The following EPB41L4A variants were observed in gnomAD, a reference collection of about 807,000 sequenced individuals.
The protein encoded by EPB41L4A is erythrocyte membrane protein band 4.1 like 4A, also known as band 4.1-like protein 4A.
A neutral mutation model predicts 108.6 loss-of-function variants in EPB41L4A; 100 were observed. The observed-to-expected ratio is 0.92, with a 90% confidence interval of 0.78 to 1.09. The LOEUF (loss-of-function observed/expected upper bound fraction) is 1.09. EPB41L4A is among the 50% of genes least tolerant of loss of function. The pLI is 0.00. For synonymous variants in EPB41L4A, 319 were observed against 289.0 expected (o/e 1.10, Z -1.05); for missense variants, 1,030 against 842.7 (o/e 1.22, Z -2.75).
upstream of EPB41L4A, chr5:112,419,712 G>A (rs1762977126): frequency 2.2e-6 from 1 of 456,652 alleles, no homozygotes; most frequent in Admixed American, 2.3e-5. Flanking sequence ...CCAGCCGCAA[G>A]CGCCGAGGAG....
intron 3 of EPB41L4A, among the ~76,000 whole-genome samples, chr5:112,277,556 A>G (rs752833850): frequency 2.8e-4 from 42 of 152,342 alleles, no homozygotes; most frequent in South Asian, 1.9e-3. Context: ...TTGGGAACAT[A>G]TGCAAGGCAC....
At chr5:112,283,464 A>C (rs983819563) in intron 2 of EPB41L4A, among the ~76,000 whole-genome samples, 1 of 152,246 alleles carries the variant, frequency 6.6e-6, no homozygotes, top group African/African-American at 2.4e-5. Context: ...CATTATCAAC[A>C]AGCAATCAAA....
chr5:112,223,580 T>TA (rs961380084), intron 12 of EPB41L4A, among the ~76,000 whole-genome samples: 1 of 151,502 alleles, frequency 6.6e-6, no homozygotes, highest in Admixed American at 6.6e-5. Context: ...ACAGGAGGGG[T>TA]AAAAAAACAG....
chr5:112,252,214 T>G (rs1048772938), intron 9 of EPB41L4A, among the ~76,000 whole-genome samples: 4 of 152,190 alleles, frequency 2.6e-5, no homozygotes, highest in Non-Finnish European at 5.9e-5. Context: ...TGTATGCTTA[T>G]ATGCACATGT....
intron 1 of EPB41L4A, chr5:112,392,622 C>T (rs1761027804): frequency 6.6e-6 from 1 of 152,134 alleles, no homozygotes; most frequent in Admixed American, 6.5e-5. Context: ...GAGACTTAGA[C>T]TCTCACACAA....
intron 1 of EPB41L4A, among the ~76,000 whole-genome samples, chr5:112,412,089 T>C (rs897428246): frequency 2.6e-5 from 4 of 152,170 alleles, no homozygotes; most frequent in African/African-American, 9.7e-5. Flanking sequence ...TCCTAAACAA[T>C]ACACTGCAGC....
At chr5:112,356,633 C>T (rs181386733) in intron 1 of EPB41L4A, among the ~76,000 whole-genome samples, 1 of 152,332 alleles carries the variant, frequency 6.6e-6, no homozygotes. Context: ...ACTCTCCCCT[C>T]TGCCATAATC....
chr5:112,363,864 C>A (rs1288376845), intron 1 of EPB41L4A, among the ~76,000 whole-genome samples: 4 of 152,126 alleles, frequency 2.6e-5, no homozygotes, highest in Non-Finnish European at 5.9e-5. Context: ...CACTTAAACA[C>A]TGAAACCATT....
intron 1 of EPB41L4A, among the ~76,000 whole-genome samples, chr5:112,414,049 G>T (rs908951555): frequency 2.0e-5 from 3 of 151,650 alleles, no homozygotes; most frequent in Non-Finnish European, 4.4e-5. Flanking sequence ...TACAGATGGG[G>T]AAACTGAAAC....
chr5:112,222,942 G>GTTT (rs11399684), intron 12 of EPB41L4A, among the ~76,000 whole-genome samples: 41 of 140,180 alleles, frequency 2.9e-4, no homozygotes, highest in African/African-American at 6.3e-4. Flanking sequence ...AGTGAAACTA[G>GTTT]TTTTTTTTTT....
intron 2 of EPB41L4A, among the ~76,000 whole-genome samples, chr5:112,303,349 G>T (rs1754493249): frequency 6.6e-6 from 1 of 152,144 alleles, no homozygotes; most frequent in African/African-American, 2.4e-5. Context: ...GCAGGGAAGA[G>T]AATACAAATA....
chr5:112,205,478 C>G lies in EPB41L4A; in HGVS notation c.1205G>C (p.Ser402Thr). The G allele has an allele frequency of 6.2e-7, 1 of 1,612,188 alleles. No individual in the cohort carries two copies. The highest frequency in any genetic ancestry group is 8.5e-7 in the Non-Finnish European group (1 of 1,179,388). Residue 402 changes from serine to threonine, a missense_variant, in exon 14 of 23, where the codon AGC becomes ACC. By Grantham distance (58) the Ser-to-Thr change is moderately conservative. Coordinates refer to ENST00000261486, the MANE Select transcript of EPB41L4A (RefSeq NM_022140.5). ...KSFKKAKNEN[S>T]PDTQRSKSHA... ...AGATTTGCTTCTTTGGGTATCAGGG[C>G]TATTTTCATTCTTTGCTTTCTTAAA...
At chr5:112,161,531 CAAAA>C (rs1404345622), downstream of EPB41L4A, 1 of 519,126 alleles carries the variant, frequency 1.9e-6, no homozygotes, top group Non-Finnish European at 3.8e-6. Context: ...AATGTGGTGT[CAAAA>C]AAGGCGTAAA....
At chr5:112,169,821 C>G (rs1021633199) in intron 20 of EPB41L4A, among the ~76,000 whole-genome samples, 1 of 152,110 alleles carries the variant, frequency 6.6e-6, no homozygotes, top group African/African-American at 2.4e-5. Context: ...TTCTCTTAAC[C>G]AAGTACTGGT....
At chr5:112,189,669 T>C (rs1192838857) in intron 17 of EPB41L4A, among the ~76,000 whole-genome samples, 1 of 152,180 alleles carries the variant, frequency 6.6e-6, no homozygotes, top group African/African-American at 2.4e-5. Flanking sequence ...TTTCTACTTT[T>C]ATGCTGATGG....
chr5:112,263,790 T>G (rs1486704652), intron 6 of EPB41L4A: 1 of 152,152 alleles, frequency 6.6e-6, no homozygotes, highest in Non-Finnish European at 1.5e-5. Context: ...CATTTTTTTG[T>G]GACCAGATTA....
At chr5:112,272,571 G>C (rs1307334422) in intron 4 of EPB41L4A, among the ~76,000 whole-genome samples, 1 of 151,820 alleles carries the variant, frequency 6.6e-6, no homozygotes. Flanking sequence ...CCTGAGGTCA[G>C]GAGTTCAAGA....
intron 12 of EPB41L4A, among the ~76,000 whole-genome samples, chr5:112,149,386 C>T (rs938848375): frequency 1.3e-5 from 2 of 152,098 alleles, no homozygotes; most frequent in Admixed American, 6.5e-5. Flanking sequence ...GCAGGAGAAT[C>T]GCGTGAACCT....
intron 12 of EPB41L4A, among the ~76,000 whole-genome samples, chr5:112,153,597 A>C (rs1048518881): frequency 1.3e-5 from 2 of 150,258 alleles, no homozygotes; most frequent in Non-Finnish European, 3.0e-5. Flanking sequence ...AGAGAGAGAG[A>C]GCAAAAAATG....
Sources: gnomAD v4.1 joint callset for allele counts (sites outside exome capture counted in the v4.1 genomes callset) on GRCh38, gnomAD v4.1.1 for gene constraint, MANE v1.5 for transcripts, NCBI Gene and HGNC (gene_info 2026-07-23, HGNC 2026-07-21) for gene names.